CNTN6: variants seen among roughly 807,000 people sequenced by gnomAD.
CNTN6 encodes contactin 6, also known as contactin-6.
CNTN6 carries 137 observed loss-of-function variants against 122.8 expected under a neutral mutation model. That is an observed-to-expected ratio of 1.12 (90% CI 0.97 to 1.29). CNTN6 has a LOEUF of 1.29. CNTN6 is among the 50% of genes most tolerant of loss of function. The pLI is 0.00. For missense variants in CNTN6, 1,634 were observed against 1,223.4 expected (o/e 1.34, Z -5.01); for synonymous variants, 570 against 426.0 (o/e 1.34, Z -4.16).
chr3:1,270,714 A>T (rs1274797092), intron 4 of CNTN6, among the ~76,000 whole-genome samples: 1 of 152,182 alleles, frequency 6.6e-6, no homozygotes, highest in Admixed American at 6.5e-5. Context: ...GGGTAAAATA[A>T]ATCATAGAGT....
At chr3:1,213,385 T>C (rs993031472) in intron 2 of CNTN6, among the ~76,000 whole-genome samples, 8 of 152,096 alleles carry the variant, frequency 5.3e-5, no homozygotes, top group African/African-American at 1.9e-4. Context: ...TATGGAGATC[T>C]GCAAAAAAGT....
chr3:1,263,891 T>C (rs563527374), intron 4 of CNTN6, among the ~76,000 whole-genome samples: 36 of 151,662 alleles, frequency 2.4e-4, no homozygotes, highest in Non-Finnish European at 4.9e-4. Context: ...AAGGGAGGGT[T>C]CACTATGTGG....
chr3:1,266,690 G>A lies in CNTN6; in HGVS notation c.359-11723G>A, dbSNP rs78734994. 8.9e-3 allele frequency among the ~76,000 whole-genome samples: 1,350 copies of A among 152,184 alleles called. 13 individuals are homozygous for A. The highest frequency in any genetic ancestry group is 0.034 in the Middle Eastern group (10 of 294). ...AGGACCATAGCAGGTATAATGGTTC[G>A]CATAAACCACTCTTTCCAAGTGACC... On this transcript the variant is annotated intron_variant, in intron 4 of 22. Transcript: ENST00000446702.
chr3:1,227,814 G>C lies in CNTN6; in HGVS notation c.183-4G>C. 1 of 1,598,372 alleles carries C rather than the reference G, an allele frequency of 6.3e-7. No individual in the cohort carries two copies. The highest frequency in any genetic ancestry group is 8.5e-7 in the Non-Finnish European group (1 of 1,175,334). ...TAAGCACTTTATTTTTTTTTTCCTT[G>C]AAGGTGGAAGCAAAATGGCACAGAC... is the stretch of plus-strand genomic sequence containing the variant. On this transcript the variant is annotated splice_region_variant and splice_polypyrimidine_tract_variant and intron_variant, in intron 3 of 22. Transcript: ENST00000446702.
chr3:1,352,584 C>G (rs564170047), intron 12 of CNTN6, 133 bp downstream of exon 12: 1 of 1,035,306 alleles, frequency 9.7e-7, no homozygotes, highest in East Asian at 2.7e-5. Context: ...TCTAAGAGAT[C>G]CATTCCCGTA....
intron 4 of CNTN6, among the ~76,000 whole-genome samples, chr3:1,265,437 C>G (rs1191477122): frequency 6.6e-6 from 1 of 152,126 alleles, no homozygotes; most frequent in African/African-American, 2.4e-5. Flanking sequence ...TTACAGTTTT[C>G]CCTCCTTCTC....
intron 2 of CNTN6, among the ~76,000 whole-genome samples, chr3:1,204,600 T>C (rs778676191): frequency 6.6e-6 from 1 of 152,218 alleles, no homozygotes; most frequent in African/African-American, 2.4e-5. Context: ...TAGAGCAACC[T>C]GTACACCATT....
chr3:1,340,783 C>T (rs1703771214), intron 11 of CNTN6, among the ~76,000 whole-genome samples: 1 of 152,100 alleles, frequency 6.6e-6, no homozygotes, highest in Admixed American at 6.6e-5. Context: ...AAACCATGTT[C>T]TATCTTGATA....
chr3:1,107,784 G>T (rs140987705), intron 1 of CNTN6, among the ~76,000 whole-genome samples: 5 of 152,058 alleles, frequency 3.3e-5, no homozygotes, highest in Non-Finnish European at 7.4e-5. Context: ...TATCTATAAG[G>T]GTTGTGGTCC....
intron 11 of CNTN6, among the ~76,000 whole-genome samples, chr3:1,330,166 T>C (rs1395148367): frequency 6.6e-6 from 1 of 151,950 alleles, no homozygotes; most frequent in African/African-American, 2.4e-5. Context: ...TGCATGCACT[T>C]GTAATAGATT....
At chr3:1,287,060 G>A (rs577674036) in intron 5 of CNTN6, among the ~76,000 whole-genome samples, 14 of 152,256 alleles carry the variant, frequency 9.2e-5, no homozygotes, top group Admixed American at 8.5e-4. Flanking sequence ...GGAGCACCCA[G>A]ATTCATAAAG....
intron 7 of CNTN6, among the ~76,000 whole-genome samples, chr3:1,306,678 T>C (rs4684880): frequency 0.058 from 8,777 of 152,244 alleles, 346 homozygotes; most frequent in African/African-American, 0.099. Context: ...GCAGAATGTT[T>C]GTAAGGACTG....
chr3:1,314,076 C>T (rs1259443392), intron 7 of CNTN6, among the ~76,000 whole-genome samples: 1 of 152,004 alleles, frequency 6.6e-6, no homozygotes, highest in Non-Finnish European at 1.5e-5. Flanking sequence ...ACTGCAAGGA[C>T]AGAATCATGA....
At chr3:1,155,048 A>G (rs886956936) in intron 2 of CNTN6, among the ~76,000 whole-genome samples, 1 of 152,154 alleles carries the variant, frequency 6.6e-6, no homozygotes, top group African/African-American at 2.4e-5. Context: ...AGTCACCTCC[A>G]TAGTCTGACG....
chr3:1,167,914 T>C (rs1464812510), intron 2 of CNTN6, among the ~76,000 whole-genome samples: 2 of 152,180 alleles, frequency 1.3e-5, no homozygotes, highest in Admixed American at 1.3e-4. Flanking sequence ...TTTTTTTCAT[T>C]TCATTTATTT....
At chr3:1,154,142 G>C (rs962606868) in intron 2 of CNTN6, among the ~76,000 whole-genome samples, 1 of 152,094 alleles carries the variant, frequency 6.6e-6, no homozygotes, top group Non-Finnish European at 1.5e-5. Context: ...CAAAGTAATT[G>C]ATTCTTAAAC....
At chr3:1,329,370 C>T (rs1362264682) in intron 10 of CNTN6, among the ~76,000 whole-genome samples, 1 of 151,460 alleles carries the variant, frequency 6.6e-6, no homozygotes, top group East Asian at 2.0e-4. Context: ...CTTTTGAAAC[C>T]ATCTTCATCC....
intron 4 of CNTN6, among the ~76,000 whole-genome samples, chr3:1,243,770 C>G (rs1207155784): frequency 6.6e-6 from 1 of 152,012 alleles, no homozygotes; most frequent in Admixed American, 6.6e-5. Context: ...GTAAGCCAGA[C>G]CGGGTGTGAG....
At chr3:1,279,559 G>T (rs949804852) in intron 5 of CNTN6, among the ~76,000 whole-genome samples, 8 of 152,166 alleles carry the variant, frequency 5.3e-5, no homozygotes, top group Non-Finnish European at 1.0e-4. Context: ...ACTGGTCCAA[G>T]GTCACGCAGC....
Sources: gnomAD v4.1 joint callset for allele counts (sites outside exome capture counted in the v4.1 genomes callset) on GRCh38, gnomAD v4.1.1 for gene constraint, MANE v1.5 for transcripts, NCBI Gene and HGNC (gene_info 2026-07-23, HGNC 2026-07-21) for gene names.